The following MAGI1 variants were observed in gnomAD, a reference collection of about 807,000 sequenced individuals.
The protein encoded by MAGI1 is membrane associated guanylate kinase, WW and PDZ domain containing 1.
A neutral mutation model predicts 139.9 loss-of-function variants in MAGI1; 58 were observed. The observed-to-expected ratio is 0.41, with a 90% CI of 0.34 to 0.52. The LOEUF (loss-of-function observed/expected upper bound fraction) is 0.52, where lower values mean the gene tolerates loss of function less well. Ranked by LOEUF, MAGI1 falls within the 20% of genes least tolerant of loss-of-function variation. MAGI1 has a pLI of 0.12. For synonymous variants in MAGI1, 812 were observed against 737.9 expected, an observed-to-expected ratio of 1.10 and a Z score of -1.63; for missense variants, 1,874 against 1,901.6, an observed-to-expected ratio of 0.99 and a Z score of 0.27.
At position 66,038,216 on chromosome 3, in the gene MAGI1, C is replaced by G. The variant is rs142360191; in HGVS notation, c.93G>C (p.Thr31=). The stretch of plus-strand genomic sequence containing the variant: ...CCCCGTGCTCCGCGCCTCCCAGCAC[C>G]GTCACCCCCAGCTCGCCCTGGGGTC... ...KRGPQGELGV[T]VLGGAEHGEF... Residue 31 remains threonine (T), a synonymous_variant, in exon 1 of 23, where the codon ACG becomes ACC. Transcript: ENST00000402939. 1.9e-6 allele frequency: 3 copies of G among 1,612,050 alleles called. No individual in the cohort carries two copies. The highest frequency in any genetic ancestry group is 2.5e-6 in the Non-Finnish European group (3 of 1,179,646).
chr3:65,961,459 A>G (rs575894526), intron 1 of MAGI1, among the ~76,000 whole-genome samples: 15 of 152,386 alleles, frequency 9.8e-5, no homozygotes, highest in African/African-American at 3.6e-4. Flanking sequence ...ATAGATGATC[A>G]GTATAATAAA....
chr3:65,376,105 T>C (rs1355091859), intron 17 of MAGI1, among the ~76,000 whole-genome samples, 160 bp from the exon 18 acceptor site: 5 of 152,316 alleles, frequency 3.3e-5, no homozygotes, highest in Middle Eastern at 3.4e-3. Flanking sequence ...GGTCAAAACA[T>C]TGGCAATACT....
At position 65,503,776 on chromosome 3, in the gene MAGI1, G is replaced by C. The variant is rs369270548; in HGVS notation, c.431-10145C>G. The stretch of plus-strand genomic sequence containing the variant: ...GTGGCCTAGACATGAGAGATGGGAA[G>C]CATCTGATCTGGTTTTCATGATCCT... On this transcript the variant is annotated intron_variant, in intron 2 of 22. Coordinates refer to ENST00000402939, the MANE Select transcript of MAGI1 (RefSeq NM_001033057.2). 4.3e-4 allele frequency among the ~76,000 whole-genome samples: 65 copies of C among 152,312 alleles called. No individual in the cohort carries two copies. In the South Asian group the frequency reaches 0.013, roughly 30 times the overall value.
chr3:65,418,528 C>T (rs73832835), intron 12 of MAGI1, among the ~76,000 whole-genome samples: 1,753 of 152,170 alleles, frequency 0.012, 27 homozygotes, highest in African/African-American at 0.04. Flanking sequence ...CAAGGCCTAC[C>T]CCTTCTCACC....
Position 65,569,828 on chromosome 3 carries a change from T to C in MAGI1, c.430+52144A>G, listed in dbSNP as rs538546862. On this transcript the variant is annotated intron_variant, in intron 2 of 22. Transcript: ENST00000402939. ...ACATCAAGGCTGCAGTGAGCCATGA[T>C]TGTACCACTGCGTTCCAGTCTGGGC... Among the ~76,000 whole-genome samples the C allele has an allele frequency of 3.1e-3, 466 of 152,056 alleles. 3 individuals are homozygous for C. Among genetic ancestry groups the C allele is most frequent in the Middle Eastern group, 0.01 (3 of 292 alleles).
chr3:65,697,191 G>A (rs1004022802), intron 1 of MAGI1, among the ~76,000 whole-genome samples: 1 of 152,010 alleles, frequency 6.6e-6, no homozygotes, highest in Non-Finnish European at 1.5e-5. Context: ...TTGAATCTCT[G>A]AATAGACCAA....
chr3:65,737,299 C>G (rs1418053597), intron 1 of MAGI1, among the ~76,000 whole-genome samples: 1 of 152,230 alleles, frequency 6.6e-6, no homozygotes, highest in East Asian at 1.9e-4. Context: ...GCCACTGCGC[C>G]CAGCGCATCA....
intron 2 of MAGI1, among the ~76,000 whole-genome samples, chr3:65,541,082 C>T (rs1048670384): frequency 3.9e-5 from 6 of 152,090 alleles, no homozygotes; most frequent in Non-Finnish European, 7.4e-5. Context: ...GAAATCTGAA[C>T]ATATATTAAA....
intron 15 of MAGI1, among the ~76,000 whole-genome samples, chr3:65,382,796 C>A (rs2106911559): frequency 6.6e-6 from 1 of 152,268 alleles, no homozygotes; most frequent in African/African-American, 2.4e-5. Context: ...AGTTAGTTAG[C>A]CTTTCTTTTC....
intron 1 of MAGI1, among the ~76,000 whole-genome samples, chr3:65,717,734 G>C (rs186177340): frequency 9.5e-4 from 144 of 152,238 alleles, no homozygotes; most frequent in African/African-American, 3.0e-3. Context: ...GATAGGTCTG[G>C]CAAAAGCCCT....
chr3:65,661,753 T>G (rs1408603605), intron 1 of MAGI1, among the ~76,000 whole-genome samples: 1 of 137,036 alleles, frequency 7.3e-6, no homozygotes, highest in Non-Finnish European at 1.6e-5. Flanking sequence ...CTGTTTTTTT[T>G]TTTTTTTTTT....
intron 1 of MAGI1, among the ~76,000 whole-genome samples, chr3:65,950,211 G>A (rs1381067708): frequency 6.7e-6 from 1 of 149,838 alleles, no homozygotes; most frequent in Non-Finnish European, 1.5e-5. Context: ...AAACAAGTTA[G>A]GAGATGAAAG....
chr3:65,448,145 A>C, intron 6 of MAGI1, 88 bp from the exon 7 acceptor site: 2 of 1,085,774 alleles, frequency 1.8e-6, no homozygotes, highest in Non-Finnish European at 2.9e-6. Flanking sequence ...CTCCTCAGGA[A>C]AACAGCAGCA....
At chr3:65,555,395 T>C (rs1016724772) in intron 2 of MAGI1, among the ~76,000 whole-genome samples, 1 of 152,262 alleles carries the variant, frequency 6.6e-6, no homozygotes, top group Non-Finnish European at 1.5e-5. Context: ...GCTCTTGTCA[T>C]ATCTCCTCAC....
chr3:66,012,729 G>A (rs1374293271), intron 1 of MAGI1, among the ~76,000 whole-genome samples: 1 of 147,978 alleles, frequency 6.8e-6, no homozygotes, highest in Non-Finnish European at 1.5e-5. Context: ...TCGTGCTACT[G>A]CACTCCAGCC....
chr3:65,962,829 G>GA (rs1560059939), intron 1 of MAGI1, among the ~76,000 whole-genome samples: 18 of 126,012 alleles, frequency 1.4e-4, no homozygotes, highest in African/African-American at 3.8e-4. Flanking sequence ...TGTCTCGGGG[G>GA]GAAAAAAAAA....
Position 65,777,718 on chromosome 3 carries a change from GA to G in MAGI1, c.314-155631del, listed in dbSNP as rs371537609. 1.4e-4 allele frequency among the ~76,000 whole-genome samples: 21 copies of G among 151,776 alleles called. No individual in the cohort carries two copies. In the South Asian group the frequency reaches 4.2e-3, roughly 30 times the overall value. ...AATATGTTCGGTCTCCTAAAAGATAGAAAACAAATGTATATAGCTGGTTTCA... is the reference window on the plus strand; with the variant it reads ...AATATGTTCGGTCTCCTAAAAGATAGAAACAAATGTATATAGCTGGTTTCA... On this transcript the variant is annotated intron_variant, in intron 1 of 22. Transcript: ENST00000402939.
chr3:65,878,786 A>G (rs920639561), intron 1 of MAGI1, among the ~76,000 whole-genome samples: 4 of 152,136 alleles, frequency 2.6e-5, no homozygotes, highest in Admixed American at 6.5e-5. Context: ...GCTCCTGATC[A>G]CAGCTCAAAG....
rs79315441 is a variant in MAGI1, at chr3:65,366,763, A to G, written c.3197-1817T>C. The stretch of plus-strand genomic sequence containing the variant: ...TGTTTGGAATACTGCCTGGCACACA[A>G]AAACTGCTCAGAAGTGATTAGCATA... On this transcript the variant is annotated intron_variant, in intron 18 of 22. Transcript: ENST00000402939. 6.9e-3 allele frequency among the ~76,000 whole-genome samples: 1,054 copies of G among 152,348 alleles called. 17 individuals are homozygous for G. Among genetic ancestry groups the G allele is most frequent in the African/African-American group, 0.023 (977 of 41,576 alleles).
Sources: gnomAD v4.1 joint callset for allele counts (sites outside exome capture counted in the v4.1 genomes callset) on GRCh38, gnomAD v4.1.1 for gene constraint, MANE v1.5 for transcripts, NCBI Gene and HGNC (gene_info 2026-07-23, HGNC 2026-07-21) for gene names.